FLII: variants seen among roughly 807,000 people sequenced by gnomAD.
FLII encodes protein flightless-1 homolog.
FLII carries 101 observed loss-of-function variants against 156.2 expected under a neutral mutation model. The ratio of observed to expected loss-of-function variants is 0.65; its 90% CI spans 0.55 to 0.76. The LOEUF (loss-of-function observed/expected upper bound fraction) is 0.76. Ranked by LOEUF, FLII falls within the 30% of genes least tolerant of loss-of-function variation. The pLI is 0.00. For synonymous variants in FLII, 767 were observed against 685.8 expected (o/e 1.12, Z -1.85); for missense variants, 1,675 against 1,682.8 (o/e 1.00, Z 0.08).
rs1337333378 is a variant in FLII, at chr17:18,253,442, A to G, written c.872T>C (p.Leu291Pro). 6.2e-7 allele frequency: 1 copy of G among 1,613,738 alleles called. No individual in the cohort carries two copies. The highest frequency in any genetic ancestry group is 8.5e-7 in the Non-Finnish European group (1 of 1,180,028). Residue 291 changes from leucine to proline, a missense_variant, in exon 9 of 30, where the codon CTG becomes CCG. This residue lies in a region of FLII where 343 missense variants were observed against 413.5 expected (regional missense o/e 0.83). Coordinates refer to ENST00000327031, the MANE Select transcript of FLII (RefSeq NM_002018.4). The part of the protein sequence containing the change: ...LTSLPSAICK[L>P]SKLKKLYLNS... ...CAGGTACAGCTTCTTCAGCTTGCTC[A>G]GCTTGCAAATGGCTGACTGGAGGGG...
At position 18,247,747 on chromosome 17, in the gene FLII, G is replaced by C; in HGVS notation, c.2397C>G (p.Ala799=). Residue 799 remains alanine, a synonymous_variant, in exon 20 of 30, where the codon GCC becomes GCG. Transcript: ENST00000327031. ...GRKSPRLVRA[A]ALKLGQELCG... ...ACAGCTCCTGACCCAGCTTGAGGGC[G>C]GCAGCGCGCACCAGGCGCGGGGACT... 2 of 1,606,358 alleles carry C rather than the reference G, an allele frequency of 1.2e-6. No homozygotes were observed. Among genetic ancestry groups the C allele is most frequent in the Non-Finnish European group, 1.7e-6 (2 of 1,179,812 alleles).
chr17:18,250,872 T>C lies in FLII; in HGVS notation c.1742A>G (p.Glu581Gly). 6.2e-7 allele frequency: 1 copy of C among 1,613,918 alleles called. No individual in the cohort carries two copies. The highest frequency in any genetic ancestry group is 8.5e-7 in the Non-Finnish European group (1 of 1,179,944). The change falls in exon 14 of 30, where the codon GAG becomes GGG. Residue 581 changes from glutamate to glycine, a missense_variant. Coordinates refer to ENST00000327031, the MANE Select transcript of FLII (RefSeq NM_002018.4). ...CTCCTCGCTCTCATCGCCCATCTCCTCCCGGACAGTGCGGCACTCAGCACC... is the reference window on the plus strand; with the variant it reads ...CTCCTCGCTCTCATCGCCCATCTCCCCCCGGACAGTGCGGCACTCAGCACC... ...YLGAECRTVR[E>G]EMGDESEEFL...
At chr17:18,255,791 G>A (rs1331709619) in intron 3 of FLII, among the ~76,000 whole-genome samples, 5 of 152,258 alleles carry the variant, frequency 3.3e-5, no homozygotes, top group Non-Finnish European at 5.9e-5. Context: ...CACTTCTCCA[G>A]TCTGAATGCC....
At chr17:18,245,722 AG>A in intron 27 of FLII, 21 bp downstream of exon 27, 1 of 1,609,196 alleles carries the variant, frequency 6.2e-7, no homozygotes, top group Non-Finnish European at 8.5e-7. Context: ...GACTGAGGGG[AG>A]GGTCAGGGCC....
In FLII at chr17:18,244,868, C is replaced by G. The variant is rs921174334; in HGVS notation, c.*270G>C. 1.9e-5 allele frequency: 8 copies of G among 431,378 alleles called. No individual in the cohort carries two copies. Among genetic ancestry groups the G allele is most frequent in the Non-Finnish European group, 3.3e-5 (8 of 243,860 alleles). 26.7% of individuals were successfully genotyped at this position (431,378 alleles called of 1,614,324 possible). A position where few individuals can be genotyped will look rare whatever the true frequency, so the allele number is the denominator to read the frequency against. ...TATTGAAAATAAAAGCATTTAATAT[C>G]TCTTAAAGGGCATCCACATCTGCTT... On this transcript the variant is annotated 3_prime_UTR_variant, in exon 30 of 30. Transcript: ENST00000327031.
chr17:18,252,795 C>G (rs2048309469), intron 9 of FLII, among the ~76,000 whole-genome samples: 2 of 152,284 alleles, frequency 1.3e-5, no homozygotes, highest in South Asian at 4.1e-4. Context: ...CCTAACAGTG[C>G]CCCCCGAAGG....
chr17:18,255,710 C>G (rs768525595), intron 3 of FLII, among the ~76,000 whole-genome samples: 1 of 152,098 alleles, frequency 6.6e-6, no homozygotes, highest in Non-Finnish European at 1.5e-5. Flanking sequence ...AAAGCTTGAG[C>G]ATGAGGGAAC....
chr17:18,247,573 T>C, intron 20 of FLII, 84 bp downstream of exon 20: 1 of 1,296,508 alleles, frequency 7.7e-7, no homozygotes, highest in Non-Finnish European at 1.0e-6. Flanking sequence ...CCCAGCTCTG[T>C]AGGGAGGTAG....
chr17:18,249,616 C>T (rs1424824530), intron 14 of FLII, among the ~76,000 whole-genome samples: 1 of 151,960 alleles, frequency 6.6e-6, no homozygotes, highest in Non-Finnish European at 1.5e-5. Context: ...ATGGAGAAAC[C>T]CTGTCTCTAC....
At chr17:18,252,643 G>A in intron 9 of FLII, 87 bp from the exon 10 acceptor site, 5 of 1,055,438 alleles carry the variant, frequency 4.7e-6, no homozygotes, top group Non-Finnish European at 7.4e-6. Context: ...GGGAGGGGAG[G>A]CAGGTAGGGT....
At chr17:18,258,894 C>CG, upstream of FLII, 1 of 287,166 alleles carries the variant, frequency 3.5e-6, no homozygotes, top group South Asian at 1.6e-4. This position sits in a 1 kb window ranked among gnomAD's most constrained non-coding sequence, Gnocchi z 4.2. Flanking sequence ...CCAAGGAGTG[C>CG]GGGCCCCCCC....
chr17:18,247,156 GC>G lies in FLII; in HGVS notation c.2676+12del. The G allele has an allele frequency of 8.9e-7, 1 of 1,128,922 alleles. No homozygotes were observed. 69.9% of individuals were successfully genotyped at this position (1,128,922 alleles called of 1,614,324 possible). On this transcript the variant is annotated intron_variant, in intron 21 of 29. Transcript: ENST00000327031. ...CCCCCCCCCCCGCGCCCCGGTCCCGGCCCTGCCCCCACCTCGGCCAGCGACA... is the reference window on the plus strand; with the variant it reads ...CCCCCCCCCCCGCGCCCCGGTCCCGGCCTGCCCCCACCTCGGCCAGCGACA...
rs369537938 is a variant in FLII at position 18,250,880 on chromosome 17, A to C, written c.1734T>G (p.Thr578=). 1.2e-6 allele frequency: 2 copies of C among 1,614,006 alleles called. No homozygotes were observed. The highest frequency in any genetic ancestry group is 2.7e-5 in the African/African-American group (2 of 75,046). Residue 578 remains threonine (T), a synonymous_variant, in exon 14 of 30, where the codon ACT becomes ACG. Transcript: ENST00000327031. ...TCTCATCGCCCATCTCCTCCCGGAC[A>C]GTGCGGCACTCAGCACCCAGGTAGT... ...LRNYLGAECR[T]VREEMGDESE... is the part of the protein sequence containing the mutation.
At position 18,254,137 on chromosome 17, in the gene FLII, G is replaced by A. The variant is rs772456380; in HGVS notation, c.621C>T (p.Ser207=). The change falls in exon 7 of 30, where the codon AGC becomes AGT. Residue 207 remains serine (S), a synonymous_variant. Coordinates refer to ENST00000327031, the MANE Select transcript of FLII (RefSeq NM_002018.4). The part of the protein sequence containing the change: ...MTALQTLHLR[S]TQRTQSNLPT... The stretch of plus-strand genomic sequence containing the variant: ...GCAGGTTGCTCTGGGTGCGCTGGGT[G>A]CTCCGCAGGTGCAGGGTCTGCAGGG... 8.1e-6 allele frequency: 13 copies of A among 1,611,726 alleles called. No homozygotes were observed. Among genetic ancestry groups the A allele is most frequent in the African/African-American group, 1.3e-5 (1 of 74,992 alleles).
chr17:18,256,717 G>A lies in FLII; in HGVS notation c.175-120C>T, dbSNP rs1234664599. Reference sequence around the variant, plus strand: ...CAGCCACACTGGCCCAACTACCCCTGCAGCTTCCCTCCCTCACTCACCCGG... The same window carrying A: ...CAGCCACACTGGCCCAACTACCCCTACAGCTTCCCTCCCTCACTCACCCGG... On this transcript the variant is annotated intron_variant, in intron 2 of 29. Transcript: ENST00000327031. 3 of 915,758 alleles carry A rather than the reference G, an allele frequency of 3.3e-6. No homozygotes were observed. In the African/African-American group the frequency reaches 4.9e-5, roughly 15 times the overall value. 56.7% of individuals were successfully genotyped at this position (915,758 alleles called of 1,614,324 possible).
rs1225137098 is a variant in FLII at position 18,245,139 on chromosome 17, T to G, written c.3809A>C (p.Ter1270SerextTer10). The G allele has an allele frequency of 1.9e-6, 3 of 1,611,058 alleles. No homozygotes were observed. Among genetic ancestry groups the G allele is most frequent in the Non-Finnish European group, 2.5e-6 (3 of 1,178,208 alleles). ...AWSAFCKALA[*>S] is the part of the protein sequence containing the mutation. ...AGCCTGGGGCTGTGCCAGCCTGTCT[T>G]AGGCCAGGGCCTTGCAGAAGGCGCT... Residue 1270 changes from the stop codon to serine (S), a stop_lost, in exon 30 of 30, where the codon TAA (stop) becomes TCA (serine). Coordinates refer to ENST00000327031, the MANE Select transcript of FLII (RefSeq NM_002018.4).
chr17:18,245,523 T>G (rs752484994), intron 28 of FLII, 32 bp downstream of exon 28: 15 of 1,611,926 alleles, frequency 9.3e-6, no homozygotes, highest in Non-Finnish European at 1.3e-5. Flanking sequence ...GGGCGCCTCC[T>G]TGGATGGGCA....
chr17:18,250,318 G>A (rs912254862), intron 14 of FLII, among the ~76,000 whole-genome samples: 9 of 152,160 alleles, frequency 5.9e-5, no homozygotes, highest in Admixed American at 1.3e-4. Context: ...AACTCGGGGC[G>A]GGTGGGGTGT....
In FLII at chr17:18,253,396, A is replaced by G. The variant is rs2048325811; in HGVS notation, c.918T>C (p.Phe306=). Residue 306 remains phenylalanine, a synonymous_variant, in exon 9 of 30, where the codon TTT becomes TTC. Coordinates refer to ENST00000327031, the MANE Select transcript of FLII (RefSeq NM_002018.4). ...KLYLNSNKLD[F]DGLPSGIGKL... is the part of the protein sequence containing the mutation. ...TGCCAATGCCTGAGGGCAGCCCGTC[A>G]AAGTCCAGCTTGTTGGAATTCAGGT... 5 of 1,613,914 alleles carry G rather than the reference A, an allele frequency of 3.1e-6. No individual in the cohort carries two copies. The highest frequency in any genetic ancestry group is 4.2e-6 in the Non-Finnish European group (5 of 1,180,022).
Sources: allele counts gnomAD v4.1 joint callset (sites outside exome capture counted in the v4.1 genomes callset), GRCh38; gene constraint gnomAD v4.1.1; regional missense constraint gnomAD v4.1.1; non-coding constraint Gnocchi (gnomAD v3.1); transcripts MANE v1.5; gene names NCBI Gene and HGNC (gene_info 2026-07-23, HGNC 2026-07-21).